Variants in CASK observed in about 807,000 individuals in gnomAD.
CASK encodes peripheral plasma membrane protein CASK.
Under a neutral mutation model 82.9 loss-of-function variants are expected in CASK, and 4 were observed. The observed-to-expected ratio is 0.05, with a 90% CI of 0.02 to 0.11. The LOEUF is 0.11. Ranked by LOEUF, CASK falls within the 10% of genes least tolerant of loss-of-function variation. The pLI, the probability that CASK is intolerant of heterozygous loss-of-function variation, is 1.00. For missense variants in CASK, 358 were observed against 720.9 expected, an observed-to-expected ratio of 0.50 and a Z score of 5.76; for synonymous variants, 259 against 253.5, an observed-to-expected ratio of 1.02 and a Z score of -0.20.
chrX:41,717,863 C>T (rs889337677), intron 5 of CASK, among the ~76,000 whole-genome samples: 2 of 112,299 alleles, frequency 1.8e-5, no homozygotes, highest in African/African-American at 6.5e-5. Flanking sequence ...CGTCTGTTGT[C>T]TGGCATACAA....
At chrX:41,744,175 A>G (rs1381387230) in intron 4 of CASK, among the ~76,000 whole-genome samples, 2 of 109,892 alleles carry the variant, frequency 1.8e-5, no homozygotes, top group Non-Finnish European at 3.8e-5. Context: ...ACCCTTCAAC[A>G]TACTATGGCT....
intron 2 of CASK, among the ~76,000 whole-genome samples, chrX:41,849,950 G>A (rs2071229412): frequency 8.9e-6 from 1 of 112,071 alleles, no homozygotes; most frequent in African/African-American, 3.2e-5. Flanking sequence ...AGGCCGAGGT[G>A]GGTAGATCAC....
intron 1 of CASK, among the ~76,000 whole-genome samples, chrX:41,908,018 T>C (rs1183037669): frequency 2.7e-5 from 3 of 111,554 alleles, no homozygotes; most frequent in Admixed American, 9.5e-5. Flanking sequence ...GGCCTGCTGC[T>C]CACCTCCTGT....
chrX:41,611,598 GCTCTCCCTCTCC>G (rs1199138423), intron 11 of CASK, among the ~76,000 whole-genome samples: 2 of 101,479 alleles, frequency 2.0e-5, no homozygotes, highest in Non-Finnish European at 4.0e-5. Flanking sequence ...CAAGAAAGCA[GCTCTCCCTCTCC>G]CTCTCCCTCT....
chrX:41,763,793 G>A (rs1288135935), intron 3 of CASK, among the ~76,000 whole-genome samples: 1 of 111,700 alleles, frequency 9.0e-6, no homozygotes, highest in African/African-American at 3.3e-5. Context: ...CCTCTATGAC[G>A]GCTCTTTCTC....
At chrX:41,888,666 T>C in intron 1 of CASK, among the ~76,000 whole-genome samples, 1 of 100,977 alleles carries the variant, frequency 9.9e-6, no homozygotes, top group East Asian at 2.9e-4. Context: ...TGTGTGTGTA[T>C]ATATGTATAT....
At chrX:41,529,698 T>C (rs2064769951) in intron 25 of CASK, 2 of 112,918 alleles carry the variant, frequency 1.8e-5, no homozygotes, top group African/African-American at 6.5e-5. Context: ...GTGGTACACA[T>C]CATATATTTA....
chrX:41,845,310 T>C (rs1011318670), intron 2 of CASK, among the ~76,000 whole-genome samples: 19 of 112,006 alleles, frequency 1.7e-4, no homozygotes, highest in African/African-American at 5.2e-4. Flanking sequence ...TGCTGAATTC[T>C]CTATTTCTCC....
At chrX:41,806,101 C>T (rs1256330178) in intron 2 of CASK, among the ~76,000 whole-genome samples, 1 of 111,500 alleles carries the variant, frequency 9.0e-6, no homozygotes, top group African/African-American at 3.3e-5. Flanking sequence ...GAACAGGAAC[C>T]TGTTATAATG....
At chrX:41,721,503 C>A (rs974551523) in intron 5 of CASK, among the ~76,000 whole-genome samples, 5 of 111,173 alleles carry the variant, frequency 4.5e-5, no homozygotes, top group Non-Finnish European at 9.4e-5. Flanking sequence ...AAGTCTAGAA[C>A]AGGATACACA....
chrX:41,623,257 G>C (rs1438879188), intron 10 of CASK, among the ~76,000 whole-genome samples: 1 of 111,475 alleles, frequency 9.0e-6, no homozygotes, highest in Non-Finnish European at 1.9e-5. Flanking sequence ...CATAATGTAT[G>C]AATTTCAATA....
chrX:41,635,161 G>A (rs1318863966), intron 9 of CASK, among the ~76,000 whole-genome samples: 2 of 111,722 alleles, frequency 1.8e-5, no homozygotes, highest in African/African-American at 6.5e-5. Flanking sequence ...TAGTGTGACT[G>A]GGAAACTGAC....
intron 3 of CASK, among the ~76,000 whole-genome samples, chrX:41,746,425 T>G (rs779411610): frequency 9.0e-6 from 1 of 111,272 alleles, no homozygotes; most frequent in South Asian, 3.8e-4. Context: ...CCTCAATGAT[T>G]ACCAGCCATA....
chrX:41,568,755 C>G (rs2065360717), intron 16 of CASK, among the ~76,000 whole-genome samples: 2 of 111,907 alleles, frequency 1.8e-5, no homozygotes, highest in Admixed American at 9.5e-5. Context: ...AATCCCAGCA[C>G]TTTGGGAGGA....
chrX:41,604,905 A>T (rs1191904104), intron 12 of CASK, among the ~76,000 whole-genome samples: 1 of 112,211 alleles, frequency 8.9e-6, no homozygotes, highest in African/African-American at 3.2e-5. Context: ...TGTTTTACTC[A>T]AATTCAAAGG....
chrX:41,719,134 G>T (rs1437120972), intron 5 of CASK, among the ~76,000 whole-genome samples: 1 of 112,199 alleles, frequency 8.9e-6, no homozygotes, highest in Non-Finnish European at 1.9e-5. Flanking sequence ...TCTAGTGGAG[G>T]TGAGCTGAAG....
At chrX:41,705,512 G>A (rs1209243888) in intron 5 of CASK, among the ~76,000 whole-genome samples, 1 of 111,229 alleles carries the variant, frequency 9.0e-6, no homozygotes, top group Non-Finnish European at 1.9e-5. Flanking sequence ...CTACGATCAT[G>A]TTACTGCACT....
At chrX:41,814,066 T>A (rs1200771950) in intron 2 of CASK, among the ~76,000 whole-genome samples, 1 of 112,004 alleles carries the variant, frequency 8.9e-6, no homozygotes, top group African/African-American at 3.2e-5. Flanking sequence ...CCAGTTAGAA[T>A]GGCAATCATT....
chrX:41,665,708 T>G, intron 6 of CASK: 1 of 391,788 alleles, frequency 2.6e-6, no homozygotes. Context: ...TTCTGCATGC[T>G]ACGTAGTAGG....
Sources: gnomAD v4.1 joint callset for allele counts (sites outside exome capture counted in the v4.1 genomes callset) on GRCh38, gnomAD v4.1.1 for gene constraint, MANE v1.5 for transcripts, NCBI Gene and HGNC (gene_info 2026-07-23, HGNC 2026-07-21) for gene names.